PTPRK: variants seen among roughly 807,000 people sequenced by gnomAD.
PTPRK encodes the protein receptor-type tyrosine-protein phosphatase kappa.
Under a neutral mutation model 178.0 loss-of-function variants are expected in PTPRK, and 75 were observed. The observed-to-expected ratio is 0.42, with a 90% CI of 0.35 to 0.51. PTPRK has a LOEUF of 0.51. Ranked by LOEUF, PTPRK falls within the 20% of genes least tolerant of loss-of-function variation. PTPRK has a pLI of 0.02. For missense variants in PTPRK, 1,441 were observed against 1,797.8 expected (o/e 0.80, Z 3.59); for synonymous variants, 637 against 620.6 (o/e 1.03, Z -0.39).
intron 7 of PTPRK, among the ~76,000 whole-genome samples, chr6:128,094,913 T>A (rs1316867297): frequency 6.6e-6 from 1 of 151,706 alleles, no homozygotes; most frequent in Non-Finnish European, 1.5e-5. Context: ...AAGAGGATGC[T>A]CTGAGAGAGA....
intron 10 of PTPRK, 78 bp from the exon 11 acceptor site, chr6:128,078,996 CTTAAG>C (rs1165840882): frequency 1.1e-6 from 1 of 900,546 alleles, no homozygotes; most frequent in Non-Finnish European, 1.7e-6. Flanking sequence ...AACAGACAAT[CTTAAG>C]TTAGGAAAAA....
intron 6 of PTPRK, among the ~76,000 whole-genome samples, chr6:128,204,751 C>T (rs533349109): frequency 2.6e-4 from 40 of 151,610 alleles, no homozygotes; most frequent in African/African-American, 2.7e-4. Flanking sequence ...TGGTGATTAT[C>T]GAAGAGTCAA....
chr6:128,078,029 T>A (rs536420351), intron 11 of PTPRK, among the ~76,000 whole-genome samples: 3 of 152,186 alleles, frequency 2.0e-5, no homozygotes, highest in African/African-American at 7.2e-5. Flanking sequence ...ATCATTCATA[T>A]GAAATTATTC....
chr6:128,001,274 C>T (rs1296078389), intron 15 of PTPRK: 7 of 1,294,818 alleles, frequency 5.4e-6, no homozygotes, highest in Admixed American at 4.3e-5. Context: ...AGTTTCTAAG[C>T]CCTTTTAAAT....
At chr6:128,374,635 T>A (rs1412212435) in intron 2 of PTPRK, among the ~76,000 whole-genome samples, 1 of 152,154 alleles carries the variant, frequency 6.6e-6, no homozygotes, top group Non-Finnish European at 1.5e-5. Flanking sequence ...TCTCTGATTA[T>A]ATCCTGGCCC....
In PTPRK at chr6:128,390,779, C is replaced by G. The variant is rs569865550; in HGVS notation, c.223+6787G>C. On this transcript the variant is annotated intron_variant, in intron 2 of 29. Transcript: ENST00000368226. ...CACTCCACTTATCTCCGAAATATCA[C>G]CAATTTTATAAGGCTCTTGTGAAGA... Among the ~76,000 whole-genome samples the G allele has an allele frequency of 2.0e-5, 3 of 152,218 alleles. No homozygotes were observed. In the East Asian group the frequency reaches 5.8e-4, roughly 29 times the overall value.
intron 27 of PTPRK, among the ~76,000 whole-genome samples, chr6:127,975,504 C>T (rs1480633413): frequency 1.3e-5 from 2 of 152,236 alleles, no homozygotes; most frequent in Middle Eastern, 3.4e-3. Context: ...ATATGAGAGA[C>T]ACTGAAACAT....
Position 128,188,017 on chromosome 6 carries a change from G to A in PTPRK, c.869-3292C>T, listed in dbSNP as rs1037303915. On this transcript the variant is annotated intron_variant, in intron 6 of 29. Coordinates refer to ENST00000368226, the MANE Select transcript of PTPRK (RefSeq NM_002844.4). The stretch of plus-strand genomic sequence containing the variant: ...TCAGTTCACAAATGAACAAGTAATC[G>A]TTCTGCAGCAATATTAATATTCTTC... 2.6e-5 allele frequency among the ~76,000 whole-genome samples: 4 copies of A among 152,060 alleles called. No homozygotes were observed. In the South Asian group the frequency reaches 6.2e-4, roughly 24 times the overall value.
chr6:128,104,870 C>A (rs1789420564), intron 7 of PTPRK, among the ~76,000 whole-genome samples: 1 of 152,078 alleles, frequency 6.6e-6, no homozygotes, highest in Admixed American at 6.5e-5. Flanking sequence ...GTGAAATCAA[C>A]TGAGAGGAGA....
chr6:128,394,453 A>G (rs1376277154), intron 2 of PTPRK, among the ~76,000 whole-genome samples: 1 of 152,188 alleles, frequency 6.6e-6, no homozygotes. Flanking sequence ...AGAGGGTTTT[A>G]CTTATTCTAC....
At chr6:128,342,154 G>A (rs984507171) in intron 2 of PTPRK, among the ~76,000 whole-genome samples, 1 of 151,998 alleles carries the variant, frequency 6.6e-6, no homozygotes, top group African/African-American at 2.4e-5. Flanking sequence ...TCAGGAGGCT[G>A]GGGCAGAAGA....
At chr6:128,202,201 C>T (rs1473575253) in intron 6 of PTPRK, among the ~76,000 whole-genome samples, 6 of 152,144 alleles carry the variant, frequency 3.9e-5, no homozygotes, top group Non-Finnish European at 7.3e-5. Context: ...TGAAGAAAAG[C>T]AGGGTGGGGC....
chr6:128,400,638 C>T (rs959067123), intron 1 of PTPRK, among the ~76,000 whole-genome samples: 20 of 152,152 alleles, frequency 1.3e-4, no homozygotes, highest in African/African-American at 4.1e-4. Context: ...TAACAGAGAG[C>T]GCATAATATA....
At chr6:128,498,731 CAT>C (rs1584980133) in intron 1 of PTPRK, among the ~76,000 whole-genome samples, 1 of 152,022 alleles carries the variant, frequency 6.6e-6, no homozygotes, top group African/African-American at 2.4e-5. Context: ...GGAATAAAAA[CAT>C]ATATCTTGAC....
At chr6:128,185,672 A>C (rs1802639289) in intron 6 of PTPRK, among the ~76,000 whole-genome samples, 1 of 152,166 alleles carries the variant, frequency 6.6e-6, no homozygotes, top group African/African-American at 2.4e-5. Context: ...AATTAATTTA[A>C]AACTTTTTTT....
At chr6:128,239,258 A>G (rs956944189) in intron 5 of PTPRK, among the ~76,000 whole-genome samples, 1 of 151,808 alleles carries the variant, frequency 6.6e-6, no homozygotes, top group African/African-American at 2.4e-5. Context: ...GAATATTATT[A>G]CTTACACATC....
chr6:128,470,769 T>G (rs1850535193), intron 1 of PTPRK, among the ~76,000 whole-genome samples: 1 of 149,656 alleles, frequency 6.7e-6, no homozygotes, highest in Admixed American at 6.6e-5. Context: ...TTTTTTTTTT[T>G]TAATGGCTAA....
chr6:128,463,741 G>GGT (rs1849383341), intron 1 of PTPRK, among the ~76,000 whole-genome samples: 4 of 96,868 alleles, frequency 4.1e-5, no homozygotes, highest in Admixed American at 1.0e-4. Flanking sequence ...AATCTTCACG[G>GGT]TTTTTTTTTT....
At chr6:128,333,370 C>T (rs532510379) in intron 2 of PTPRK, among the ~76,000 whole-genome samples, 4 of 152,222 alleles carry the variant, frequency 2.6e-5, no homozygotes, top group South Asian at 4.1e-4. Flanking sequence ...ACATTCTACT[C>T]GGTAGTCACA....
Sources: allele counts gnomAD v4.1 joint callset (sites outside exome capture counted in the v4.1 genomes callset), GRCh38; gene constraint gnomAD v4.1.1; transcripts MANE v1.5; gene names NCBI Gene and HGNC (gene_info 2026-07-23, HGNC 2026-07-21).